The following PDE3B variants were observed in gnomAD, a reference collection of about 807,000 sequenced individuals.
PDE3B encodes the protein phosphodiesterase 3B, also known as cGMP-inhibited 3',5'-cyclic phosphodiesterase 3B.
PDE3B carries 66 observed loss-of-function variants against 116.8 expected under a neutral mutation model. The ratio of observed to expected loss-of-function variants is 0.56; its 90% confidence interval spans 0.46 to 0.69. The LOEUF is 0.69. PDE3B is among the 30% of genes least tolerant of loss of function. The pLI is 0.00. For missense variants in PDE3B, 1,384 were observed against 1,368.1 expected (o/e 1.01, Z -0.18); for synonymous variants, 595 against 533.6 (o/e 1.12, Z -1.59).
the PDE3B span, among the ~76,000 whole-genome samples, chr11:14,883,242 A>G: frequency 6.6e-6 from 1 of 151,530 alleles, no homozygotes; most frequent in African/African-American, 2.4e-5. Context: ...CCTAAGCCAA[A>G]AGAACAAAGC....
the PDE3B span, chr11:14,886,091 C>A: frequency 3.1e-6 from 2 of 640,174 alleles, no homozygotes; most frequent in South Asian, 1.8e-5. Context: ...ATAAGGCATG[C>A]AAAACTGTGT....
chr11:14,860,879 TTGTG>T (rs1189187275), intron 13 of PDE3B, among the ~76,000 whole-genome samples: 20 of 151,044 alleles, frequency 1.3e-4, no homozygotes, highest in African/African-American at 4.6e-4. Context: ...TTTTTTGATA[TTGTG>T]TATGTACTAT....
At chr11:14,673,011 ACAATGTATTGTGTCTAT>A in intron 1 of PDE3B, among the ~76,000 whole-genome samples, 1 of 152,046 alleles carries the variant, frequency 6.6e-6, no homozygotes. Context: ...CACTAGCTAC[ACAATGTATTGTGTCTAT>A]CATGTTAAAA....
intron 1 of PDE3B, among the ~76,000 whole-genome samples, chr11:14,736,312 A>G (rs1590102575): frequency 6.6e-6 from 1 of 152,342 alleles, no homozygotes; most frequent in African/African-American, 2.4e-5. Context: ...GGGAGTTAAA[A>G]GCTGGTTGAA....
chr11:14,688,140 T>TCTCC (rs1320021675), intron 1 of PDE3B, among the ~76,000 whole-genome samples: 31 of 97,884 alleles, frequency 3.2e-4, no homozygotes, highest in African/African-American at 1.0e-3. Flanking sequence ...TCTCTCTCTC[T>TCTCC]CTCCCTCCCT....
intron 1 of PDE3B, among the ~76,000 whole-genome samples, chr11:14,645,815 T>A (rs1234353741): frequency 2.0e-5 from 3 of 152,188 alleles, no homozygotes; most frequent in African/African-American, 7.2e-5. Flanking sequence ...CAAATGAGTT[T>A]ACATCTTTAT....
At chr11:14,763,051 AT>A (rs1857404783) in intron 1 of PDE3B, among the ~76,000 whole-genome samples, 1 of 152,200 alleles carries the variant, frequency 6.6e-6, no homozygotes, top group Admixed American at 6.6e-5. Context: ...TATTGAAGGT[AT>A]TTACACCCAC....
chr11:14,878,248 C>CG, the PDE3B span: 1 of 1,613,108 alleles, frequency 6.2e-7, no homozygotes, highest in Admixed American at 1.7e-5. Context: ...CTGTAAAAAA[C>CG]AAGAACATTT....
At position 14,803,942 on chromosome 11, in the gene PDE3B, A is replaced by T; in HGVS notation, c.1416-2A>T. On this transcript the variant is annotated splice_acceptor_variant, in intron 4 of 15. Transcript: ENST00000282096. LOFTEE classifies it high-confidence loss of function. Reference sequence around the variant, plus strand: ...TTTTAACCTGTTATTTTTCCCTTTTAGTCAAGGATGCTATCTAAATGGGCC... The same window carrying T: ...TTTTAACCTGTTATTTTTCCCTTTTTGTCAAGGATGCTATCTAAATGGGCC... 1 of 1,547,880 alleles carries T rather than the reference A, an allele frequency of 6.5e-7. No homozygotes were observed. Among genetic ancestry groups the T allele is most frequent in the Non-Finnish European group, 8.9e-7 (1 of 1,121,248 alleles).
chr11:14,825,565 G>A (rs1859662195), intron 7 of PDE3B, among the ~76,000 whole-genome samples: 1 of 152,138 alleles, frequency 6.6e-6, no homozygotes, highest in Non-Finnish European at 1.5e-5. Context: ...TAATGGTAAA[G>A]GGTTCAATTC....
At chr11:14,781,829 A>G (rs2133910238) in intron 2 of PDE3B, among the ~76,000 whole-genome samples, 1 of 152,314 alleles carries the variant, frequency 6.6e-6, no homozygotes, top group East Asian at 1.9e-4. Flanking sequence ...AGGCAGGAGA[A>G]AGAAATAAAA....
At chr11:14,747,691 G>A (rs1856951203) in intron 1 of PDE3B, among the ~76,000 whole-genome samples, 1 of 152,144 alleles carries the variant, frequency 6.6e-6, no homozygotes, top group Non-Finnish European at 1.5e-5. Context: ...TGGGATGTGT[G>A]TGTATTGGGG....
rs764468104 is a variant in PDE3B at position 14,818,413 on chromosome 11, A to T, written c.1733+20A>T. 2 of 1,509,606 alleles carry T rather than the reference A, an allele frequency of 1.3e-6. No homozygotes were observed. Among genetic ancestry groups the T allele is most frequent in the Non-Finnish European group, 1.8e-6 (2 of 1,085,518 alleles). The allele number at this position is 1,509,606 out of a possible 1,614,324, so 93.5% of individuals were successfully genotyped here. A position where few individuals can be genotyped will look rare whatever the true frequency, so the allele number is the denominator to read the frequency against. On this transcript the variant is annotated intron_variant, in intron 6 of 15. Transcript: ENST00000282096. ...TAACAGGTAAGTTTCCCAACTGTTT[A>T]TTATTTCTGTTTCAAAATGTTGATT...
intron 4 of PDE3B, among the ~76,000 whole-genome samples, chr11:14,798,916 C>T (rs72482629): frequency 4.0e-5 from 6 of 151,812 alleles, no homozygotes; most frequent in Admixed American, 2.6e-4. Context: ...AAGGGTTTTT[C>T]GTGTCTCTAT....
intron 1 of PDE3B, among the ~76,000 whole-genome samples, chr11:14,716,245 C>T (rs1380591258): frequency 6.6e-6 from 1 of 152,228 alleles, no homozygotes; most frequent in Non-Finnish European, 1.5e-5. Flanking sequence ...GAGACTATAT[C>T]CCACACCTGG....
intron 1 of PDE3B, among the ~76,000 whole-genome samples, chr11:14,704,701 G>A (rs1288324951): frequency 2.0e-5 from 3 of 151,662 alleles, no homozygotes; most frequent in Non-Finnish European, 4.4e-5. Flanking sequence ...TAATACGTAT[G>A]TAATAAAATG....
intron 11 of PDE3B, among the ~76,000 whole-genome samples, chr11:14,838,123 C>T (rs532050059): frequency 4.6e-5 from 7 of 152,050 alleles, no homozygotes; most frequent in African/African-American, 1.4e-4. Context: ...GGACCACAGG[C>T]GCCCTGCCAC....
rs66919202 is a variant in PDE3B, at chr11:14,749,899, C to CATAT, written c.979-22027_979-22024dup. ...TTATAGATTTAAAATAAATATATCC[C>CATAT]ATATATATATATATGTATCTTTGTG... On this transcript the variant is annotated intron_variant, in intron 1 of 15. Coordinates refer to ENST00000282096, the MANE Select transcript of PDE3B (RefSeq NM_000922.4). 2.6e-3 allele frequency among the ~76,000 whole-genome samples: 199 copies of CATAT among 77,620 alleles called. 28 individuals are homozygous for CATAT. The highest frequency in any genetic ancestry group is 8.7e-3 in the African/African-American group (152 of 17,522). The allele number at this position is 77,620 out of a possible 152,430, so 50.9% of individuals were successfully genotyped here.
intron 1 of PDE3B, among the ~76,000 whole-genome samples, chr11:14,697,042 G>A (rs372962719): frequency 3.3e-5 from 5 of 151,788 alleles, no homozygotes; most frequent in African/African-American, 1.2e-4. Context: ...GCTCAAGTGA[G>A]CCTCCTGCCT....
Sources: gnomAD v4.1 joint callset for allele counts (sites outside exome capture counted in the v4.1 genomes callset) on GRCh38, gnomAD v4.1.1 for gene constraint, MANE v1.5 for transcripts, NCBI Gene and HGNC (gene_info 2026-07-23, HGNC 2026-07-21) for gene names.